The following FAP variants were observed in gnomAD, a reference collection of about 807,000 sequenced individuals.
FAP encodes the protein fibroblast activation protein alpha.
Under a neutral mutation model 126.5 loss-of-function variants are expected in FAP, and 110 were observed. The ratio of observed to expected loss-of-function variants is 0.87; its 90% confidence interval spans 0.74 to 1.02. The LOEUF is 1.02. Among genes scored for constraint, FAP ranks in the 50% least tolerant of loss-of-function variants. The probability of loss-of-function intolerance (pLI) is 0.00; values close to 1 mark genes in which losing one functional copy is unlikely to be tolerated. For missense variants in FAP, 919 were observed against 909.2 expected, an observed-to-expected ratio of 1.01 and a Z score of -0.14; for synonymous variants, 334 against 297.3, an observed-to-expected ratio of 1.12 and a Z score of -1.27.
chr2:162,225,702 T>C, intron 3 of FAP, 125 bp from the exon 4 acceptor site: 1 of 902,278 alleles, frequency 1.1e-6, no homozygotes, highest in Non-Finnish European at 1.5e-6. Flanking sequence ...TACATATTGC[T>C]TTGTGATATG....
At chr2:162,199,083 A>C (rs1270088114) in intron 15 of FAP, among the ~76,000 whole-genome samples, 2 of 152,214 alleles carry the variant, frequency 1.3e-5, no homozygotes, top group Non-Finnish European at 2.9e-5. Flanking sequence ...TAATAGGCAC[A>C]AACCTTGAGG....
intron 20 of FAP, among the ~76,000 whole-genome samples, chr2:162,186,223 T>G (rs1029807249): frequency 2.6e-5 from 4 of 152,134 alleles, no homozygotes; most frequent in African/African-American, 9.6e-5. Flanking sequence ...TTTGCTATGT[T>G]GTTGAATGGC....
intron 11 of FAP, among the ~76,000 whole-genome samples, chr2:162,213,359 A>G (rs2106265604): frequency 6.6e-6 from 1 of 151,288 alleles, no homozygotes; most frequent in Admixed American, 6.6e-5. Context: ...CTGGCGACAG[A>G]GCGAGACGCC....
At chr2:162,178,100 G>A (rs929496481) in intron 21 of FAP, among the ~76,000 whole-genome samples, 14 of 152,152 alleles carry the variant, frequency 9.2e-5, no homozygotes, top group African/African-American at 3.4e-4. Context: ...AGTCTCATTA[G>A]AGGTGCATTT....
At chr2:162,225,219 T>C (rs1411490905) in intron 4 of FAP, among the ~76,000 whole-genome samples, 1 of 152,180 alleles carries the variant, frequency 6.6e-6, no homozygotes, top group Non-Finnish European at 1.5e-5. Context: ...TGAACCTCAA[T>C]TGGCTGACAC....
At chr2:162,215,734 T>C (rs1689137173) in intron 10 of FAP, among the ~76,000 whole-genome samples, 164 bp downstream of exon 10, 1 of 152,262 alleles carries the variant, frequency 6.6e-6, no homozygotes, top group Admixed American at 6.5e-5. Context: ...AAAGGGCTAA[T>C]TTTGAAAAAC....
intron 11 of FAP, among the ~76,000 whole-genome samples, chr2:162,213,428 A>AAAAAACAAAAAACAAACAAAC (rs1559782522): frequency 2.6e-5 from 4 of 151,890 alleles, no homozygotes; most frequent in African/African-American, 9.7e-5. Context: ...AACAAACAAA[A>AAAAAACAAAAAACAAACAAAC]AAAAAAACAG....
intron 8 of FAP, among the ~76,000 whole-genome samples, chr2:162,218,831 T>A (rs1420269446): frequency 6.6e-6 from 1 of 152,052 alleles, no homozygotes; most frequent in Admixed American, 6.6e-5. Context: ...GGATTATAAA[T>A]CATTACTACC....
chr2:162,209,467 C>G (rs994637724), intron 12 of FAP, among the ~76,000 whole-genome samples: 1 of 152,044 alleles, frequency 6.6e-6, no homozygotes, highest in South Asian at 2.1e-4. Flanking sequence ...TATTTGATAC[C>G]AAATCATTAC....
At chr2:162,226,109 T>G (rs553269338) in intron 3 of FAP, among the ~76,000 whole-genome samples, 1 of 152,260 alleles carries the variant, frequency 6.6e-6, no homozygotes, top group African/African-American at 2.4e-5. Context: ...TGTATGAAAA[T>G]ACCGATTTCA....
intron 25 of FAP, chr2:162,172,235 T>A (rs1339175271): frequency 6.6e-6 from 1 of 152,246 alleles, no homozygotes; most frequent in Non-Finnish European, 1.5e-5. Flanking sequence ...TATTTTCTTT[T>A]CTGGTTCAAT....
At chr2:162,178,507 T>TAAA (rs1476552145) in intron 21 of FAP, among the ~76,000 whole-genome samples, 1 of 152,124 alleles carries the variant, frequency 6.6e-6, no homozygotes, top group African/African-American at 2.4e-5. Flanking sequence ...CCTCCAGACG[T>TAAA]TGTCAAATGT....
chr2:162,196,546 T>G (rs1164571345), intron 16 of FAP, among the ~76,000 whole-genome samples: 1 of 144,044 alleles, frequency 6.9e-6, no homozygotes, highest in Non-Finnish European at 1.5e-5. Context: ...GCCTAAAAAA[T>G]GAGACAGATA....
At chr2:162,178,617 A>T (rs1156585919) in intron 21 of FAP, among the ~76,000 whole-genome samples, 1 of 152,172 alleles carries the variant, frequency 6.6e-6, no homozygotes, top group Non-Finnish European at 1.5e-5. Context: ...AGGGACTAAA[A>T]CCAGGGCTAG....
intron 25 of FAP, chr2:162,171,726 G>A (rs1576126413): frequency 6.6e-6 from 1 of 151,892 alleles, no homozygotes; most frequent in Non-Finnish European, 1.5e-5. Flanking sequence ...AATTTACTTT[G>A]GGGATCACAA....
At chr2:162,189,519 AAGATTATTTT>A in intron 18 of FAP, 127 bp downstream of exon 18, 1 of 595,276 alleles carries the variant, frequency 1.7e-6, no homozygotes. Flanking sequence ...TTGTTACAGT[AAGATTATTTT>A]AAATGAAATC....
Position 162,225,543 on chromosome 2 carries a change from A to G in FAP, c.225T>C (p.Asn75=), listed in dbSNP as rs2106286273. The part of the protein sequence containing the change: ...QEYLHQSADN[N]IVLYNIETGQ... ...CTGTTTCAATATTATAAAGTACTAT[A>G]TTGTTATCTGCAGATTGATGAAGAT... The change falls in exon 4 of 26, where the codon AAT becomes AAC. Residue 75 remains asparagine, a synonymous_variant. Coordinates refer to ENST00000188790, the MANE Select transcript of FAP (RefSeq NM_004460.5). The G allele has an allele frequency of 2.5e-6, 4 of 1,599,270 alleles. No homozygotes were observed. Among genetic ancestry groups the G allele is most frequent in the South Asian group, 2.2e-5 (2 of 89,330 alleles).
At chr2:162,232,023 T>A (rs2106296188) in intron 2 of FAP, among the ~76,000 whole-genome samples, 1 of 152,274 alleles carries the variant, frequency 6.6e-6, no homozygotes, top group South Asian at 2.1e-4. Context: ...AGGTATCATC[T>A]CCAATTATCA....
chr2:162,212,758 A>G (rs1310046367), intron 11 of FAP, among the ~76,000 whole-genome samples: 1 of 152,178 alleles, frequency 6.6e-6, no homozygotes, highest in South Asian at 2.1e-4. Context: ...TAATTAGAAG[A>G]CTCACAAAAT....
Sources: gnomAD v4.1 joint callset for allele counts (sites outside exome capture counted in the v4.1 genomes callset) on GRCh38, gnomAD v4.1.1 for gene constraint, MANE v1.5 for transcripts, NCBI Gene and HGNC (gene_info 2026-07-23, HGNC 2026-07-21) for gene names.